Variants in ENOX2 observed in about 807,000 individuals in gnomAD.
ENOX2 encodes the protein ecto-NOX disulfide-thiol exchanger 2.
ENOX2 carries 36 observed loss-of-function variants against 45.0 expected under a neutral mutation model. The ratio of observed to expected loss-of-function variants is 0.80; its 90% confidence interval spans 0.61 to 1.06. The LOEUF (loss-of-function observed/expected upper bound fraction) is 1.06. ENOX2 is among the 50% of genes least tolerant of loss of function. The pLI is 0.00. For missense variants in ENOX2, 423 were observed against 462.5 expected, an observed-to-expected ratio of 0.91 and a Z score of 0.78; for synonymous variants, 174 against 152.3, an observed-to-expected ratio of 1.14 and a Z score of -1.05.
At chrX:130,760,382 T>C (rs971458212) in intron 3 of ENOX2, among the ~76,000 whole-genome samples, 7 of 111,710 alleles carry the variant, frequency 6.3e-5, no homozygotes, top group African/African-American at 2.3e-4. Flanking sequence ...ACTAACAACA[T>C]TATGTTGAAT....
chrX:130,701,995 C>G (rs1160560602), intron 4 of ENOX2, among the ~76,000 whole-genome samples: 1 of 111,114 alleles, frequency 9.0e-6, no homozygotes, highest in Non-Finnish European at 1.9e-5. Context: ...ATTCACATAC[C>G]TTTTTTTCTT....
intron 3 of ENOX2, among the ~76,000 whole-genome samples, chrX:130,773,656 ACT>A (rs1175070459): frequency 1.8e-5 from 2 of 111,427 alleles, no homozygotes; most frequent in Non-Finnish European, 3.8e-5. Flanking sequence ...AAATTAGTAC[ACT>A]CTGTTTCTGC....
At chrX:130,885,802 A>G (rs1053874362) in intron 2 of ENOX2, among the ~76,000 whole-genome samples, 4 of 112,459 alleles carry the variant, frequency 3.6e-5, no homozygotes, top group African/African-American at 9.7e-5. Flanking sequence ...AGAAATCTCT[A>G]TTTATTCAAC....
chrX:130,851,140 A>G (rs1469663123), intron 2 of ENOX2, among the ~76,000 whole-genome samples: 2 of 112,711 alleles, frequency 1.8e-5, no homozygotes, highest in East Asian at 2.8e-4. Flanking sequence ...AGTGTTGTAC[A>G]TGACTAATAT....
chrX:130,830,553 G>A (rs1333309106), intron 2 of ENOX2, among the ~76,000 whole-genome samples: 3 of 111,633 alleles, frequency 2.7e-5, no homozygotes, highest in Non-Finnish European at 5.7e-5. Context: ...AACAAGTGTC[G>A]CTAAATCCCA....
chrX:130,884,971 T>C (rs1220617255), intron 2 of ENOX2, among the ~76,000 whole-genome samples: 4 of 111,649 alleles, frequency 3.6e-5, no homozygotes, highest in Non-Finnish European at 1.9e-5. Context: ...GAAGAGAAAA[T>C]ACTCCATACT....
intron 3 of ENOX2, among the ~76,000 whole-genome samples, chrX:130,741,556 A>G (rs2038981926): frequency 8.9e-6 from 1 of 111,879 alleles, no homozygotes; most frequent in Admixed American, 9.5e-5. Flanking sequence ...GGTCAGATAC[A>G]CGGAGGAGTA....
At chrX:130,737,186 C>T (rs988975354) in intron 3 of ENOX2, among the ~76,000 whole-genome samples, 2 of 111,492 alleles carry the variant, frequency 1.8e-5, no homozygotes, top group Non-Finnish European at 3.8e-5. Flanking sequence ...AAAAGACATA[C>T]GTAGCTGAGG....
At chrX:130,678,556 T>A (rs2037214747) in intron 6 of ENOX2, among the ~76,000 whole-genome samples, 1 of 109,109 alleles carries the variant, frequency 9.2e-6, no homozygotes. Flanking sequence ...GGCTTGGTGT[T>A]CCTTATTTTG....
In ENOX2 at chrX:130,775,370, A is replaced by G. The variant is rs1603346389; in HGVS notation, c.-39+8177T>C. ...ACTCCAGCCTGGGTGACAGAGGGAG[A>G]CCCTGTCTCAAAAAAAAAAATACTA... On this transcript the variant is annotated intron_variant, in intron 3 of 14. Transcript: ENST00000394363. Among the ~76,000 whole-genome samples the G allele has an allele frequency of 2.8e-5, 3 of 107,976 alleles. No homozygotes were observed. In the South Asian group the frequency reaches 1.2e-3, roughly 45 times the overall value. The allele number at this position is 107,976 out of a possible 115,157, so 93.8% of individuals were successfully genotyped here.
chrX:130,676,980 A>G (rs1284523527), intron 6 of ENOX2, among the ~76,000 whole-genome samples: 2 of 111,961 alleles, frequency 1.8e-5, no homozygotes, highest in African/African-American at 6.5e-5. Context: ...CTAATAACTG[A>G]TATTTTGCCT....
intron 2 of ENOX2, among the ~76,000 whole-genome samples, chrX:130,836,037 C>T (rs993442392): frequency 8.9e-6 from 1 of 112,123 alleles, no homozygotes; most frequent in African/African-American, 3.2e-5. Context: ...AGTTATTCTT[C>T]ACTAAAAATG....
rs370189501 is a variant in ENOX2 at position 130,695,546 on chromosome X, C to G, written c.98-6528G>C. 1.9e-4 allele frequency among the ~76,000 whole-genome samples: 21 copies of G among 111,286 alleles called. 1 individual carries two copies. The highest frequency in any genetic ancestry group is 1.8e-3 in the Admixed American group (19 of 10,474). On this transcript the variant is annotated intron_variant, in intron 4 of 14. Transcript: ENST00000394363. ...CAATCTTTTAGGTGTTCCAGAGACC[C>G]CTGAGCCCCAGGAGGTAGTTTTTAC...
rs2035718667 is a variant in ENOX2, at chrX:130,631,517, C to G, written c.1479G>C (p.Lys493Asn). The change falls in exon 13 of 15, where the codon AAG becomes AAC. Residue 493 changes from lysine (K) to asparagine (N), a missense_variant. By Grantham distance (94) the Lys-to-Asn change is moderately conservative (BLOSUM62 0). Transcript: ENST00000394363. ...ATTTGATAGGACTGCTGTTCATGGT[C>G]TTCTCAAGAGGGTATTCGCTATCCT... is the stretch of plus-strand genomic sequence containing the variant. ...SNQDSEYPLE[K>N]TMNSSPIKSE... 5.8e-6 allele frequency: 7 copies of G among 1,205,667 alleles called. No homozygotes were observed. The South Asian group carries it at 1.1e-4, about 18-fold the overall frequency.
At chrX:130,787,054 C>T (rs1233980554) in intron 2 of ENOX2, among the ~76,000 whole-genome samples, 2 of 94,956 alleles carry the variant, frequency 2.1e-5, no homozygotes, top group Non-Finnish European at 4.2e-5. Flanking sequence ...TCCACATCCT[C>T]TCCAGCACCT....
At chrX:130,853,463 C>CAA (rs754949787) in intron 2 of ENOX2, among the ~76,000 whole-genome samples, 180 of 27,124 alleles carry the variant, frequency 6.6e-3, no homozygotes, top group Non-Finnish European at 7.8e-3. Context: ...GACTCCGTCT[C>CAA]AAAAAAAAAA....
chrX:130,685,481 T>C (rs1350531765), intron 5 of ENOX2, among the ~76,000 whole-genome samples: 2 of 111,943 alleles, frequency 1.8e-5, no homozygotes, highest in Non-Finnish European at 3.8e-5. Context: ...AGAAGGCTAT[T>C]ACAATAATTT....
At chrX:130,688,455 T>C (rs996676756) in intron 5 of ENOX2, among the ~76,000 whole-genome samples, 21 of 112,136 alleles carry the variant, frequency 1.9e-4, no homozygotes, top group African/African-American at 6.2e-4. Flanking sequence ...GTATGAATAG[T>C]TGCTAGCAGT....
chrX:130,787,961 A>G (rs1053857405), intron 2 of ENOX2, among the ~76,000 whole-genome samples: 7 of 111,990 alleles, frequency 6.3e-5, no homozygotes, highest in Non-Finnish European at 5.6e-5. Flanking sequence ...GTTCAAGAGG[A>G]AGGATGAAAG....
Sources: gnomAD v4.1 joint callset for allele counts (sites outside exome capture counted in the v4.1 genomes callset) on GRCh38, gnomAD v4.1.1 for gene constraint, MANE v1.5 for transcripts, NCBI Gene and HGNC (gene_info 2026-07-23, HGNC 2026-07-21) for gene names.